The following INPP4B variants were observed in gnomAD, a reference collection of about 807,000 sequenced individuals.
INPP4B encodes inositol polyphosphate 4-phosphatase type II.
In INPP4B, 55 loss-of-function variants were observed where a neutral mutation model predicts 122.5. The ratio of observed to expected loss-of-function variants is 0.45; its 90% confidence interval spans 0.36 to 0.56. The LOEUF is 0.56. INPP4B is among the 20% of genes least tolerant of loss of function. The pLI is 0.00. For synonymous variants in INPP4B, 403 were observed against 388.7 expected (o/e 1.04, Z -0.43); for missense variants, 1,000 against 1,097.7 (o/e 0.91, Z 1.26).
chr4:142,499,022 C>T (rs1044421511), intron 2 of INPP4B, among the ~76,000 whole-genome samples: 3 of 152,040 alleles, frequency 2.0e-5, no homozygotes, highest in Non-Finnish European at 4.4e-5. Flanking sequence ...GAGTGGAATG[C>T]AATTTTCCAA....
intron 7 of INPP4B, among the ~76,000 whole-genome samples, chr4:142,333,986 A>G (rs1351817270): frequency 2.0e-5 from 3 of 152,134 alleles, no homozygotes; most frequent in Non-Finnish European, 4.4e-5. Context: ...TTTATAACTG[A>G]AAGTCTGTAC....
intron 25 of INPP4B, among the ~76,000 whole-genome samples, chr4:142,051,408 T>A (rs1200927309): frequency 6.6e-6 from 1 of 151,840 alleles, no homozygotes; most frequent in Non-Finnish European, 1.5e-5. Context: ...TATGGTAGAG[T>A]TTTCCTAAGA....
chr4:142,647,759 A>G (rs1388612767), intron 2 of INPP4B, among the ~76,000 whole-genome samples: 1 of 152,260 alleles, frequency 6.6e-6, no homozygotes. Context: ...GTTTTCTTAC[A>G]GGCAATTTGG....
At chr4:142,541,587 G>T (rs1265576008) in intron 2 of INPP4B, among the ~76,000 whole-genome samples, 1 of 152,146 alleles carries the variant, frequency 6.6e-6, no homozygotes, top group African/African-American at 2.4e-5. Flanking sequence ...ACCCTTCAAT[G>T]CTTGCTTTGC....
At chr4:142,846,507 T>C (rs1024546067), upstream of INPP4B, among the ~76,000 whole-genome samples, 2 of 151,954 alleles carry the variant, frequency 1.3e-5, no homozygotes, top group African/African-American at 4.8e-5. This position sits in a 1 kb window ranked among gnomAD's most constrained non-coding sequence, Gnocchi z 5.1. Flanking sequence ...CCCAGAGAAG[T>C]TGTCACCAGC....
intron 2 of INPP4B, among the ~76,000 whole-genome samples, chr4:142,653,345 A>G (rs923646252): frequency 3.9e-5 from 6 of 152,214 alleles, no homozygotes; most frequent in Admixed American, 3.3e-4. Flanking sequence ...ACCAAAAGCA[A>G]TGGCAACAAA....
intron 2 of INPP4B, among the ~76,000 whole-genome samples, chr4:142,525,026 C>T (rs951039548): frequency 2.0e-5 from 3 of 151,634 alleles, no homozygotes; most frequent in Non-Finnish European, 2.9e-5. Flanking sequence ...AGCTGATAAG[C>T]AACTTCAGCA....
intron 11 of INPP4B, among the ~76,000 whole-genome samples, chr4:142,242,279 T>C (rs1859807581): frequency 6.6e-6 from 1 of 151,876 alleles, no homozygotes; most frequent in East Asian, 1.9e-4. Context: ...TTCAGAAAAG[T>C]GAGGGTAAGA....
At chr4:142,576,859 G>A (rs1733965395) in intron 2 of INPP4B, among the ~76,000 whole-genome samples, 1 of 151,950 alleles carries the variant, frequency 6.6e-6, no homozygotes, top group African/African-American at 2.4e-5. Flanking sequence ...TCCACGGTAA[G>A]GTTTATGCTA....
intron 1 of INPP4B, 48 bp from the exon 2 acceptor site, chr4:142,725,949 C>T (rs1765296742): frequency 2.5e-6 from 1 of 397,118 alleles, no homozygotes; most frequent in Non-Finnish European, 4.4e-6. Flanking sequence ...TTTCTTTTTT[C>T]CTCTTTAAAT....
At chr4:142,386,004 G>T (rs1394198370) in intron 7 of INPP4B, among the ~76,000 whole-genome samples, 2 of 152,102 alleles carry the variant, frequency 1.3e-5, no homozygotes, top group African/African-American at 2.4e-5. Context: ...GATCACTAAA[G>T]CTTATCTCTT....
chr4:142,599,729 T>C (rs540864199), intron 2 of INPP4B, among the ~76,000 whole-genome samples: 15 of 151,694 alleles, frequency 9.9e-5, no homozygotes, highest in Admixed American at 4.6e-4. Flanking sequence ...AAACTTATCA[T>C]ACAAAAAAAT....
chr4:142,072,507 C>T (rs1403164937), intron 25 of INPP4B, among the ~76,000 whole-genome samples: 2 of 148,768 alleles, frequency 1.3e-5, no homozygotes, highest in Non-Finnish European at 3.0e-5. Flanking sequence ...AAAAGAGAAC[C>T]AATGCAACAG....
chr4:142,169,653 T>C (rs746997438), intron 16 of INPP4B, among the ~76,000 whole-genome samples: 1 of 151,706 alleles, frequency 6.6e-6, no homozygotes, highest in Non-Finnish European at 1.5e-5. Context: ...GTAGGAATTA[T>C]AAGCTATGAG....
chr4:142,063,382 A>G (rs1578771344), intron 25 of INPP4B, among the ~76,000 whole-genome samples: 1 of 152,158 alleles, frequency 6.6e-6, no homozygotes, highest in South Asian at 2.1e-4. Context: ...GTCAGACCCT[A>G]AATGAATTAA....
chr4:142,714,079 G>A (rs1763448835), intron 2 of INPP4B, among the ~76,000 whole-genome samples: 1 of 152,174 alleles, frequency 6.6e-6, no homozygotes, highest in Admixed American at 6.5e-5. Flanking sequence ...ATTTCTCAGA[G>A]ACTAATATTC....
At chr4:142,437,519 G>A (rs1203671913) in intron 3 of INPP4B, among the ~76,000 whole-genome samples, 1 of 152,038 alleles carries the variant, frequency 6.6e-6, no homozygotes, top group African/African-American at 2.4e-5. Context: ...GAAAGGCCAG[G>A]TCACCTACAA....
chr4:142,261,982 AC>A (rs1176627284), intron 10 of INPP4B, among the ~76,000 whole-genome samples: 3 of 152,030 alleles, frequency 2.0e-5, no homozygotes, highest in Non-Finnish European at 4.4e-5. Context: ...ATTTCTGACC[AC>A]CCCGAAGTCA....
chr4:142,672,148 T>C (rs2150636080), intron 2 of INPP4B, among the ~76,000 whole-genome samples: 2 of 152,334 alleles, frequency 1.3e-5, no homozygotes, highest in South Asian at 4.1e-4. Flanking sequence ...AAACACATTT[T>C]CATAGTTTAC....
Sources: gnomAD v4.1 joint callset for allele counts (sites outside exome capture counted in the v4.1 genomes callset) on GRCh38, gnomAD v4.1.1 for gene constraint, Gnocchi (gnomAD v3.1) non-coding constraint, MANE v1.5 for transcripts, NCBI Gene and HGNC (gene_info 2026-07-23, HGNC 2026-07-21) for gene names.